Variants in NTNG1 observed in about 807,000 individuals in gnomAD.
NTNG1 encodes netrin-G1.
NTNG1 carries 16 observed loss-of-function variants against 54.0 expected under a neutral mutation model. The ratio of observed to expected loss-of-function variants is 0.30; its 90% CI spans 0.20 to 0.45. The LOEUF is 0.45. NTNG1 is among the 20% of genes least tolerant of loss of function. The pLI is 1.00. For missense variants in NTNG1, 530 were observed against 678.7 expected, an observed-to-expected ratio of 0.78 and a Z score of 2.43; for synonymous variants, 255 against 263.1, an observed-to-expected ratio of 0.97 and a Z score of 0.30.
intron 2 of NTNG1, among the ~76,000 whole-genome samples, chr1:107,152,535 A>G (rs1242640575): frequency 2.0e-5 from 3 of 152,208 alleles, no homozygotes; most frequent in Non-Finnish European, 2.9e-5. Context: ...AATTTTCTGG[A>G]TAAGTTAAAC....
chr1:107,472,194 G>A (rs1428840217), intron 7 of NTNG1, among the ~76,000 whole-genome samples: 1 of 152,086 alleles, frequency 6.6e-6, no homozygotes, highest in African/African-American at 2.4e-5. Flanking sequence ...GTTCCATGGG[G>A]CAGCAGATAA....
At chr1:107,231,582 C>G (rs1368613124) in intron 2 of NTNG1, among the ~76,000 whole-genome samples, 1 of 151,842 alleles carries the variant, frequency 6.6e-6, no homozygotes, top group Non-Finnish European at 1.5e-5. Flanking sequence ...CATACATTGC[C>G]AAATTAATTA....
chr1:107,307,829 G>A (rs1666776486), intron 2 of NTNG1, among the ~76,000 whole-genome samples: 1 of 152,098 alleles, frequency 6.6e-6, no homozygotes, highest in African/African-American at 2.4e-5. Flanking sequence ...TACGTAAGCT[G>A]TTTTCCACTT....
At chr1:107,368,151 C>G (rs1216836334) in intron 3 of NTNG1, among the ~76,000 whole-genome samples, 1 of 152,104 alleles carries the variant, frequency 6.6e-6, no homozygotes. Flanking sequence ...CTCCAGGATT[C>G]TTAGAGGATT....
intron 2 of NTNG1, among the ~76,000 whole-genome samples, chr1:107,313,226 C>T (rs1667127763): frequency 6.6e-6 from 1 of 152,162 alleles, no homozygotes; most frequent in Non-Finnish European, 1.5e-5. Context: ...GAATACCCCT[C>T]AATTGAGATT....
chr1:107,145,819 T>C (rs1249233217), intron 1 of NTNG1, among the ~76,000 whole-genome samples: 1 of 152,102 alleles, frequency 6.6e-6, no homozygotes, highest in African/African-American at 2.4e-5. Flanking sequence ...CGATCAATGG[T>C]GTAGTCCATA....
intron 2 of NTNG1, among the ~76,000 whole-genome samples, chr1:107,262,873 C>T (rs1410540698): frequency 2.6e-5 from 4 of 152,118 alleles, no homozygotes; most frequent in Admixed American, 6.5e-5. Flanking sequence ...AACACTTTTT[C>T]GCTGGTGCAC....
chr1:107,263,775 A>C (rs1663535474), intron 2 of NTNG1, among the ~76,000 whole-genome samples: 1 of 152,150 alleles, frequency 6.6e-6, no homozygotes, highest in Non-Finnish European at 1.5e-5. Flanking sequence ...GCCTTTATTA[A>C]TTTTATGAAA....
intron 3 of NTNG1, among the ~76,000 whole-genome samples, chr1:107,349,296 C>T (rs17018817): frequency 0.099 from 14,991 of 152,044 alleles, 871 homozygotes; most frequent in East Asian, 0.16. Context: ...TGTTGTTGTT[C>T]GTAGCACTGA....
intron 1 of NTNG1, chr1:107,141,593 G>C (rs1270060200): frequency 2.0e-5 from 3 of 152,250 alleles, no homozygotes; most frequent in Non-Finnish European, 2.9e-5. Context: ...AAGGCTCCGG[G>C]TGGGCGAGGA....
intron 3 of NTNG1, among the ~76,000 whole-genome samples, chr1:107,392,764 A>G (rs576970513): frequency 5.3e-5 from 8 of 152,234 alleles, no homozygotes; most frequent in African/African-American, 1.7e-4. Flanking sequence ...CACAGCAGGT[A>G]TTTCCTCACC....
chr1:107,353,623 C>A (rs941952726), intron 3 of NTNG1, among the ~76,000 whole-genome samples: 4 of 152,206 alleles, frequency 2.6e-5, no homozygotes, highest in African/African-American at 9.6e-5. Flanking sequence ...CCAGCCTCTG[C>A]CAGTTACCCA....
intron 7 of NTNG1, among the ~76,000 whole-genome samples, chr1:107,442,809 A>AAACAGCGTTG (rs1472097892): frequency 6.6e-6 from 1 of 151,794 alleles, no homozygotes; most frequent in African/African-American, 2.4e-5. Flanking sequence ...TTTTCATATG[A>AAACAGCGTTG]AGCAGCTTGA....
At chr1:107,216,841 C>CTT in intron 2 of NTNG1, among the ~76,000 whole-genome samples, 1 of 152,062 alleles carries the variant, frequency 6.6e-6, no homozygotes, top group Non-Finnish European at 1.5e-5. Context: ...CCACGACCAG[C>CTT]TTAATTTTTG....
chr1:107,444,245 A>G (rs1485172641), intron 7 of NTNG1, among the ~76,000 whole-genome samples: 1 of 151,960 alleles, frequency 6.6e-6, no homozygotes, highest in Non-Finnish European at 1.5e-5. Flanking sequence ...AAGCCCATAG[A>G]CCTCTAAAAC....
chr1:107,312,572 C>T (rs1667078239), intron 2 of NTNG1, among the ~76,000 whole-genome samples: 1 of 152,120 alleles, frequency 6.6e-6, no homozygotes, highest in African/African-American at 2.4e-5. Context: ...AGAGCCATGC[C>T]TCTTAACAAA....
At chr1:107,394,575 C>T (rs759915519) in intron 3 of NTNG1, among the ~76,000 whole-genome samples, 6 of 152,132 alleles carry the variant, frequency 3.9e-5, no homozygotes, top group Non-Finnish European at 1.5e-5. Flanking sequence ...TGTTAGCAGC[C>T]TTGGTGGAAA....
rs1276356066 is a variant in NTNG1 at position 107,436,651 on chromosome 1, T to G, written c.1256-14T>G. 1.9e-6 allele frequency: 3 copies of G among 1,611,414 alleles called. No individual in the cohort carries two copies. The highest frequency in any genetic ancestry group is 2.5e-6 in the Non-Finnish European group (3 of 1,178,424). ...AGACTTGTCTCCAGCCTGTGTGTTG[T>G]CTTGTTTCTACAGAGTGTTATTGTA... On this transcript the variant is annotated splice_polypyrimidine_tract_variant and intron_variant, in intron 6 of 7. Coordinates refer to ENST00000370068, the MANE Select transcript of NTNG1 (RefSeq NM_001113226.3).
chr1:107,480,590 A>AAACAAACCC, intron 7 of NTNG1, 21 bp from the exon 8 acceptor site: 1 of 352,588 alleles, frequency 2.8e-6, no homozygotes, highest in Non-Finnish European at 4.6e-6. Context: ...ACCCACCCCT[A>AAACAAACCC]CCTTCCCCCT....
Sources: gnomAD v4.1 joint callset for allele counts (sites outside exome capture counted in the v4.1 genomes callset) on GRCh38, gnomAD v4.1.1 for gene constraint, MANE v1.5 for transcripts, NCBI Gene and HGNC (gene_info 2026-07-23, HGNC 2026-07-21) for gene names.